MED17: variants seen among roughly 807,000 people sequenced by gnomAD.
MED17 encodes the protein mediator of RNA polymerase II transcription subunit 17.
A neutral mutation model predicts 80.8 loss-of-function variants in MED17; 49 were observed. The observed-to-expected ratio is 0.61, with a 90% CI of 0.48 to 0.77. The LOEUF (loss-of-function observed/expected upper bound fraction) is 0.77, where lower values mean the gene tolerates loss of function less well. Ranked by LOEUF, MED17 falls within the 30% of genes least tolerant of loss-of-function variation. The pLI, the probability that MED17 is intolerant of heterozygous loss-of-function variation, is 0.00. For synonymous variants in MED17, 281 were observed against 280.4 expected (o/e 1.00, Z -0.02); for missense variants, 718 against 787.0 (o/e 0.91, Z 1.05).
intron 9 of MED17, among the ~76,000 whole-genome samples, chr11:93,805,647 A>G (rs1161118791): frequency 1.3e-5 from 2 of 152,228 alleles, no homozygotes; most frequent in Non-Finnish European, 2.9e-5. Context: ...AGTGGTTGCC[A>G]CAAGTATGCA....
intron 6 of MED17, 122 bp from the exon 7 acceptor site, chr11:93,796,288 T>G: frequency 1.0e-6 from 1 of 982,592 alleles, no homozygotes; most frequent in Non-Finnish European, 1.6e-6. Context: ...AATCATGAGG[T>G]CTGATCTTCA....
rs773190300 is a variant in MED17 at position 93,807,594 on chromosome 11, T to G, written c.1543T>G (p.Ser515Ala). Reference protein sequence around the residue: ...VHRDGRVITLSYQEQELQDFL... With the variant: ...VHRDGRVITLAYQEQELQDFL... ...TAGAGATGGAAGAGTAATTACACTG[T>G]CTTATCAGGAGCAGGAGCTACAGGA... Residue 515 changes from serine to alanine, a missense_variant, in exon 10 of 12, where the codon TCT becomes GCT. Physicochemically the swap from Ser to Ala is moderately conservative, Grantham distance 99. Coordinates refer to ENST00000251871, the MANE Select transcript of MED17 (RefSeq NM_004268.5). 8 of 1,613,230 alleles carry G rather than the reference T, an allele frequency of 5.0e-6. No individual in the cohort carries two copies. In the Admixed American group the frequency reaches 1.3e-4, roughly 27 times the overall value.
At chr11:93,790,898 G>A (rs138705575) in intron 3 of MED17, 105 bp downstream of exon 3, 244 of 1,015,912 alleles carry the variant, frequency 2.4e-4, no homozygotes, top group Non-Finnish European at 3.3e-4. Context: ...CTTGAGGCCA[G>A]GAGTTCAAGA....
chr11:93,784,657 C>G lies in MED17; in HGVS notation c.144C>G (p.Asp48Glu). The G allele has an allele frequency of 6.4e-7, 1 of 1,568,120 alleles. No homozygotes were observed. Among genetic ancestry groups the G allele is most frequent in the East Asian group, 2.3e-5 (1 of 42,916 alleles). ...QNLARLAQRI[D>E]FSQGSGSEEE... Reference sequence around the variant, plus strand: ...TGGCGCGTCTGGCCCAGCGGATAGACTTCAGCCAGGGTTCGGGCTCCGAGG... The same window carrying G: ...TGGCGCGTCTGGCCCAGCGGATAGAGTTCAGCCAGGGTTCGGGCTCCGAGG... The change falls in exon 1 of 12, where the codon GAC (aspartate) becomes GAG (glutamate). Residue 48 changes from aspartate to glutamate, a missense_variant. Transcript: ENST00000251871.
rs1299695888 is a variant in MED17 at position 93,798,812 on chromosome 11, G to C, written c.1328+1093G>C. On this transcript the variant is annotated intron_variant, in intron 8 of 11. Transcript: ENST00000251871. ...ATAAAGCATTATATGATAGGTTACT[G>C]TTTCTTACCATTAATACAGTTCAAC... 2.0e-5 allele frequency among the ~76,000 whole-genome samples: 3 copies of C among 152,226 alleles called. No individual in the cohort carries two copies. In the East Asian group the frequency reaches 5.8e-4, roughly 29 times the overall value.
intron 8 of MED17, chr11:93,800,620 C>A (rs1943952556): frequency 9.8e-6 from 1 of 101,606 alleles, no homozygotes; most frequent in Non-Finnish European, 2.0e-5. Context: ...TAGAGTGAGA[C>A]TTTGTCTCAA....
intron 8 of MED17, among the ~76,000 whole-genome samples, chr11:93,798,093 C>G (rs1186134454): frequency 6.6e-6 from 1 of 152,146 alleles, no homozygotes; most frequent in Non-Finnish European, 1.5e-5. Flanking sequence ...GTTTGGAGGG[C>G]ACTTTCCTTA....
chr11:93,809,499 C>T, intron 10 of MED17: 3 of 598,094 alleles, frequency 5.0e-6, no homozygotes, highest in Non-Finnish European at 9.0e-6. Flanking sequence ...TGCCAGTGGG[C>T]AGGAGAAGCA....
At chr11:93,787,866 T>A in intron 1 of MED17, 135 bp from the exon 2 acceptor site, 1 of 776,206 alleles carries the variant, frequency 1.3e-6, no homozygotes, top group Non-Finnish European at 2.2e-6. Context: ...GTAGAGGAGA[T>A]GGCATAAATA....
At position 93,811,964 on chromosome 11, in the gene MED17, G is replaced by T. The variant is rs1359862633; in HGVS notation, c.1856G>T (p.Arg619Leu). Reference protein sequence around the residue: ...VLQDNKWSHLRGPFKEVQWNK... With the variant: ...VLQDNKWSHLLGPFKEVQWNK... ...CAAGATAACAAATGGAGTCATCTTC[G>T]TGGGCCATTCAAAGAAGTTCAGTGG... The change falls in exon 12 of 12, where the codon CGT becomes CTT. Residue 619 changes from arginine (R) to leucine (L), a missense_variant. Coordinates refer to ENST00000251871, the MANE Select transcript of MED17 (RefSeq NM_004268.5). 1.2e-6 allele frequency: 2 copies of T among 1,613,982 alleles called. No homozygotes were observed. The highest frequency in any genetic ancestry group is 1.7e-6 in the Non-Finnish European group (2 of 1,179,950).
Position 93,812,166 on chromosome 11 carries a change from T to A in MED17, c.*102T>A. The A allele has an allele frequency of 1.0e-6, 1 of 982,500 alleles. No individual in the cohort carries two copies. Among genetic ancestry groups the A allele is most frequent in the Non-Finnish European group, 1.6e-6 (1 of 629,432 alleles). The allele number at this position is 982,500 out of a possible 1,614,324, so 60.9% of individuals were successfully genotyped here. On this transcript the variant is annotated 3_prime_UTR_variant, in exon 12 of 12. Coordinates refer to ENST00000251871, the MANE Select transcript of MED17 (RefSeq NM_004268.5). ...GAAGAGATAACTTCCAAAAGAGTGC[T>A]GTTTTTAAAAATAATAATTAGGAAA...
At chr11:93,789,191 A>G (rs1200000820) in intron 2 of MED17, 1 of 152,194 alleles carries the variant, frequency 6.6e-6, no homozygotes, top group Admixed American at 6.5e-5. Context: ...ATTGAATAGA[A>G]TTACTCACAT....
At chr11:93,785,695 G>A (rs183381404) in intron 1 of MED17, among the ~76,000 whole-genome samples, 5 of 152,270 alleles carry the variant, frequency 3.3e-5, no homozygotes, top group Admixed American at 6.5e-5. Context: ...TCTGGGAGTC[G>A]GATAGATCTT....
chr11:93,790,592 T>C lies in MED17; in HGVS notation c.436T>C (p.Leu146=), dbSNP rs1402337940. Residue 146 remains leucine, a synonymous_variant, in exon 3 of 12, where the codon TTG becomes CTG. Transcript: ENST00000251871. ...TTGACAGAATCCTCAGACGTTGCAA[T>C]TGATATCTAAAAAGAAGTCACTTGC... The part of the protein sequence containing the change: ...PPKQNPQTLQ[L]ISKKKSLAGA... 5 of 1,614,086 alleles carry C rather than the reference T, an allele frequency of 3.1e-6. No homozygotes were observed. Among genetic ancestry groups the C allele is most frequent in the Non-Finnish European group, 3.4e-6 (4 of 1,179,986 alleles).
chr11:93,795,585 G>A (rs1184534985), intron 6 of MED17: 4 of 153,084 alleles, frequency 2.6e-5, no homozygotes, highest in Admixed American at 1.3e-4. Context: ...GAGTTTACTC[G>A]TAATAGTCTC....
chr11:93,802,781 T>C (rs919985582), intron 9 of MED17, among the ~76,000 whole-genome samples: 3 of 152,214 alleles, frequency 2.0e-5, no homozygotes, highest in African/African-American at 7.2e-5. Flanking sequence ...ACTGGGTTGA[T>C]AACTGTGTGT....
intron 1 of MED17, among the ~76,000 whole-genome samples, chr11:93,785,424 CATT>C (rs1350609602): frequency 6.6e-6 from 1 of 151,806 alleles, no homozygotes; most frequent in East Asian, 1.9e-4. Flanking sequence ...TTCAGATTCT[CATT>C]ATTGTCAAGG....
chr11:93,797,368 C>G, intron 7 of MED17, 167 bp from the exon 8 acceptor site: 1 of 663,798 alleles, frequency 1.5e-6, no homozygotes, highest in Non-Finnish European at 2.7e-6. Flanking sequence ...TACAGTCTTG[C>G]ATTATGTGTG....
chr11:93,787,867 G>C (rs1943786219), intron 1 of MED17, 134 bp from the exon 2 acceptor site: 1 of 783,244 alleles, frequency 1.3e-6, no homozygotes, highest in South Asian at 1.5e-5. Flanking sequence ...TAGAGGAGAT[G>C]GCATAAATAA....
Sources: gnomAD v4.1 joint callset for allele counts (sites outside exome capture counted in the v4.1 genomes callset) on GRCh38, gnomAD v4.1.1 for gene constraint, MANE v1.5 for transcripts, NCBI Gene and HGNC (gene_info 2026-07-23, HGNC 2026-07-21) for gene names.